The following MPC1 variants were observed in gnomAD, a reference collection of about 807,000 sequenced individuals.
MPC1 encodes the protein HSPC040 protein.
In MPC1, 6 loss-of-function variants were observed where a neutral mutation model predicts 13.9. That is an observed-to-expected ratio of 0.43 (90% CI 0.24 to 0.85). The LOEUF (loss-of-function observed/expected upper bound fraction) is 0.85. Among genes scored for constraint, MPC1 ranks in the 40% least tolerant of loss-of-function variants. The pLI, the probability that MPC1 is intolerant of heterozygous loss-of-function variation, is 0.24. For missense variants in MPC1, 115 were observed against 143.3 expected (o/e 0.80, Z 1.01); for synonymous variants, 47 against 50.5 (o/e 0.93, Z 0.29).
rs12205572 is a variant in MPC1 at position 166,365,976 on chromosome 6, G to A, written c.303C>T (p.His101=). ...QLIQGGRLIK[H]EMTKTASA ...TAACTAAATTGAAATCTGCTTACTC[G>A]TGTTTGATAAGCCGCCCTCCCTGGA... The change falls in exon 4 of 5, where the codon CAC becomes CAT. Residue 101 remains histidine, a splice_region_variant and synonymous_variant. Transcript: ENST00000360961. This position sits in a 1 kb window ranked among gnomAD's most constrained non-coding sequence, Gnocchi z 4.2. 0.053 allele frequency: 85,831 copies of A among 1,611,590 alleles called. 2,662 individuals are homozygous for A. Among genetic ancestry groups the A allele is most frequent in the Middle Eastern group, 0.093 (561 of 6,050 alleles).
Position 166,365,961 on chromosome 6 carries a change from G to T in MPC1, c.305+13C>A. 1 of 1,603,542 alleles carries T rather than the reference G, an allele frequency of 6.2e-7. No individual in the cohort carries two copies. The highest frequency in any genetic ancestry group is 2.2e-5 in the East Asian group (1 of 44,740). On this transcript the variant is annotated intron_variant, in intron 4 of 4. Transcript: ENST00000360961. The surrounding 1 kb of genome is among the most constrained non-coding windows in gnomAD (Gnocchi z 4.2). ...TTCCTGAAAAGAAAGTAACTAAATT[G>T]AAATCTGCTTACTCGTGTTTGATAA...
intron 1 of MPC1, among the ~76,000 whole-genome samples, chr6:166,377,298 T>C (rs1320170858): frequency 1.3e-5 from 2 of 152,086 alleles, no homozygotes; most frequent in Non-Finnish European, 2.9e-5. Flanking sequence ...CTGGGCCTGC[T>C]CATGTAGGAG....
At chr6:166,368,289 G>A (rs555313087) in intron 2 of MPC1, among the ~76,000 whole-genome samples, 4 of 152,286 alleles carry the variant, frequency 2.6e-5, no homozygotes, top group South Asian at 4.1e-4. Context: ...CGGGTGCAGC[G>A]GCTCACGCCT....
At chr6:166,380,768 C>T (rs552260201) in intron 1 of MPC1, among the ~76,000 whole-genome samples, 3 of 151,874 alleles carry the variant, frequency 2.0e-5, no homozygotes, top group South Asian at 2.1e-4. Context: ...GGAGAAACCC[C>T]GTCTCTATTA....
At position 166,373,157 on chromosome 6, in the gene MPC1, G is replaced by A. The variant is rs532426407; in HGVS notation, c.72-2936C>T. ...ACGAAACTTACATTGACACAGGATT[G>A]TTACCCAAAGTCCATATCTACATTA... On this transcript the variant is annotated intron_variant, in intron 1 of 4. Coordinates refer to ENST00000360961, the MANE Select transcript of MPC1 (RefSeq NM_016098.4). 5.3e-5 allele frequency among the ~76,000 whole-genome samples: 8 copies of A among 152,186 alleles called. No individual in the cohort carries two copies. The South Asian group carries it at 1.2e-3, about 24-fold the overall frequency.
intron 1 of MPC1, among the ~76,000 whole-genome samples, chr6:166,370,660 T>C (rs554989055): frequency 3.9e-5 from 6 of 152,270 alleles, no homozygotes; most frequent in African/African-American, 1.4e-4. Context: ...TCACTATTAA[T>C]CTGGGCAACA....
At chr6:166,366,938 C>T in intron 2 of MPC1, 47 bp from the exon 3 acceptor site, 4 of 1,612,728 alleles carry the variant, frequency 2.5e-6, no homozygotes, top group South Asian at 2.2e-5. Flanking sequence ...AAAGTTAAGA[C>T]AGAACTATAA....
chr6:166,378,384 T>G (rs1779643262), intron 1 of MPC1, among the ~76,000 whole-genome samples: 1 of 151,396 alleles, frequency 6.6e-6, no homozygotes, highest in South Asian at 2.1e-4. Context: ...AGGTTCTTCT[T>G]AAGAAAACAT....
In MPC1 at chr6:166,365,946, G is replaced by C; in HGVS notation, c.305+28C>G. Reference sequence around the variant, plus strand: ...CCCCAATTCCTCAAATTCCTGAAAAGAAAGTAACTAAATTGAAATCTGCTT... The same window carrying C: ...CCCCAATTCCTCAAATTCCTGAAAACAAAGTAACTAAATTGAAATCTGCTT... On this transcript the variant is annotated intron_variant, in intron 4 of 4. Transcript: ENST00000360961. The surrounding 1 kb of genome is among the most constrained non-coding windows in gnomAD (Gnocchi z 4.2). The C allele has an allele frequency of 6.2e-7, 1 of 1,603,102 alleles. No homozygotes were observed. Among genetic ancestry groups the C allele is most frequent in the Non-Finnish European group, 8.5e-7 (1 of 1,173,450 alleles).
chr6:166,380,762 A>G (rs1242985124), intron 1 of MPC1, among the ~76,000 whole-genome samples: 1 of 152,066 alleles, frequency 6.6e-6, no homozygotes, highest in African/African-American at 2.4e-5. Flanking sequence ...CAACATGGAG[A>G]AACCCCGTCT....
rs148865492 is a variant in MPC1 at position 166,377,280 on chromosome 6, T to C, written c.71+5526A>G. On this transcript the variant is annotated intron_variant, in intron 1 of 4. Transcript: ENST00000360961. ...ACTCGGGAGACAATCAAGGAGCTGA[T>C]GTGGGCACTGGGCCTGCTCATGTAG... Among the ~76,000 whole-genome samples the C allele has an allele frequency of 3.7e-3, 563 of 152,084 alleles. 7 individuals carry two copies. The highest frequency in any genetic ancestry group is 0.012 in the African/African-American group (506 of 41,486).
intron 1 of MPC1, among the ~76,000 whole-genome samples, chr6:166,382,329 G>A (rs539343829): frequency 6.6e-5 from 10 of 151,700 alleles, no homozygotes; most frequent in African/African-American, 2.2e-4. Context: ...CGGGAAGGGC[G>A]TCCACTGTTA....
Position 166,370,225 on chromosome 6 carries a change from T to G in MPC1, c.72-4A>C, listed in dbSNP as rs1306060335. 1 of 777,854 alleles carries G rather than the reference T, an allele frequency of 1.3e-6. No individual in the cohort carries two copies. 48.2% of individuals were successfully genotyped at this position (777,854 alleles called of 1,614,324 possible). A position where few individuals can be genotyped will look rare whatever the true frequency, so the allele number is the denominator to read the frequency against. ...TGGAAATAATTTTCTTACCGTACTA[T>G]TTTGTGAAGAGTCACCGAAGTTCAG... On this transcript the variant is annotated splice_region_variant and splice_polypyrimidine_tract_variant and intron_variant, in intron 1 of 4. Transcript: ENST00000360961.
intron 2 of MPC1, among the ~76,000 whole-genome samples, chr6:166,368,183 A>C (rs372673995): frequency 1.3e-5 from 2 of 152,208 alleles, no homozygotes; most frequent in South Asian, 2.1e-4. Flanking sequence ...TGCAACTTTC[A>C]CTTAATTTCT....
chr6:166,366,918 A>G (rs774020255), intron 2 of MPC1, 27 bp from the exon 3 acceptor site: 1 of 1,613,538 alleles, frequency 6.2e-7, no homozygotes, highest in East Asian at 2.2e-5. Context: ...GAAAAGAATG[A>G]AGAGAGGAAA....
chr6:166,371,810 A>C (rs930127209), intron 1 of MPC1, among the ~76,000 whole-genome samples: 13 of 152,322 alleles, frequency 8.5e-5, no homozygotes, highest in African/African-American at 2.9e-4. Context: ...AGAGATTGAC[A>C]ACAATTACTA....
intron 1 of MPC1, among the ~76,000 whole-genome samples, chr6:166,377,465 T>C (rs1399775512): frequency 6.6e-6 from 1 of 152,198 alleles, no homozygotes. Context: ...GTCTAATTTT[T>C]CCAAAATTAT....
Position 166,365,372 on chromosome 6 carries a change from A to C in MPC1, c.*57T>G. 7.0e-7 allele frequency: 1 copy of C among 1,419,698 alleles called. No homozygotes were observed. 87.9% of individuals were successfully genotyped at this position (1,419,698 alleles called of 1,614,324 possible). ...GAGGCTATTTATAATGAAATCTGTG[A>C]CTCAGCAGCAGCTGGCAATGCTGTC... On this transcript the variant is annotated 3_prime_UTR_variant, in exon 5 of 5. Transcript: ENST00000360961. The surrounding 1 kb of genome is among the most constrained non-coding windows in gnomAD (Gnocchi z 4.2).
chr6:166,371,976 C>T (rs1362943860), intron 1 of MPC1, among the ~76,000 whole-genome samples: 1 of 152,114 alleles, frequency 6.6e-6, no homozygotes, highest in Non-Finnish European at 1.5e-5. Flanking sequence ...GGGGGTACTA[C>T]TATGTGCTTC....
Sources: gnomAD v4.1 joint callset for allele counts (sites outside exome capture counted in the v4.1 genomes callset) on GRCh38, gnomAD v4.1.1 for gene constraint, Gnocchi (gnomAD v3.1) non-coding constraint, MANE v1.5 for transcripts, NCBI Gene and HGNC (gene_info 2026-07-23, HGNC 2026-07-21) for gene names.